Variants in RPL7A observed in about 807,000 individuals in gnomAD.
RPL7A encodes the protein ribosomal protein L7a, also known as large ribosomal subunit protein eL8.
For missense variants in RPL7A, 291 were observed against 338.2 expected, an observed-to-expected ratio of 0.86 and a Z score of 1.09; for synonymous variants, 158 against 128.2, an observed-to-expected ratio of 1.23 and a Z score of -1.57.
chr9:133,348,426 T>G, intron 1 of RPL7A, 180 bp downstream of exon 1: 3 of 855,322 alleles, frequency 3.5e-6, no homozygotes, highest in Non-Finnish European at 5.5e-6. Flanking sequence ...ACGGAGACAT[T>G]GAGATGGACT....
At chr9:133,351,194 G>C in intron 7 of RPL7A, 68 bp from the exon 8 acceptor site, 1 of 1,553,906 alleles carries the variant, frequency 6.4e-7, no homozygotes, top group Non-Finnish European at 8.9e-7. Flanking sequence ...CAGAATTAAC[G>C]CAACTAATAA....
In RPL7A at chr9:133,351,362, G is replaced by A; in HGVS notation, c.797G>A (p.Gly266Asp). Residue 266 changes from glycine to aspartate, a missense_variant, in exon 8 of 8, where the codon GGT becomes GAT. Gly to Asp is a moderately conservative substitution (Grantham distance 94). Coordinates refer to ENST00000323345, the MANE Select transcript of RPL7A (RefSeq NM_000972.3). ...GCTAAAGAACTTGCCACTAAACTGG[G>A]TTAAATGTACACTGTTGAGTTTTCT... ...AKAKELATKL[G>D] 1 of 1,596,864 alleles carries A rather than the reference G, an allele frequency of 6.3e-7. No individual in the cohort carries two copies. Among genetic ancestry groups the A allele is most frequent in the Non-Finnish European group, 8.6e-7 (1 of 1,166,422 alleles).
chr9:133,348,590 G>A, intron 1 of RPL7A: 1 of 599,802 alleles, frequency 1.7e-6, no homozygotes, highest in Non-Finnish European at 3.0e-6. Context: ...GACGAGTTCT[G>A]AGCCCGCCCC....
chr9:133,350,104 T>A, intron 4 of RPL7A, 52 bp downstream of exon 4: 1 of 1,613,916 alleles, frequency 6.2e-7, no homozygotes. Flanking sequence ...GTTGCAGTGA[T>A]GTAAAATTTC....
chr9:133,348,465 C>A (rs1836276762), intron 1 of RPL7A: 1 of 647,750 alleles, frequency 1.5e-6, no homozygotes, highest in Non-Finnish European at 2.6e-6. Context: ...GAGCGGAATG[C>A]GTTGTTCCCG....
rs2129976896 is a variant in RPL7A, at chr9:133,348,226, C to G, written c.-18C>G. 3.1e-6 allele frequency: 5 copies of G among 1,614,060 alleles called. No individual in the cohort carries two copies. Among genetic ancestry groups the G allele is most frequent in the East Asian group, 4.5e-5 (2 of 44,842 alleles). ...ACCCACAATTCCCTTTCCTTTCTCT[C>G]TCCTCCCGCCGCCCAAGATGGTGAG... is the stretch of plus-strand genomic sequence containing the variant. On this transcript the variant is annotated 5_prime_UTR_variant, in exon 1 of 8. Transcript: ENST00000323345.
intron 2 of RPL7A, 127 bp downstream of exon 2, chr9:133,349,169 T>A: frequency 2.7e-6 from 3 of 1,130,858 alleles, no homozygotes; most frequent in Non-Finnish European, 2.6e-6. Flanking sequence ...TTGTGTCTCT[T>A]AGAGACGGGG....
chr9:133,348,855 G>A, intron 1 of RPL7A, 67 bp from the exon 2 acceptor site: 6 of 1,612,572 alleles, frequency 3.7e-6, no homozygotes, highest in Non-Finnish European at 5.1e-6. Flanking sequence ...GGAGGAGCCA[G>A]CCTGAGCCCT....
At position 133,350,066 on chromosome 9, in the gene RPL7A, A is replaced by T; in HGVS notation, c.415+14A>T. ...TCCTTCGAGCAGGTGAGTAGGCCCC[A>T]CCTTAGGGTGAACACTGGGGGCGGG... On this transcript the variant is annotated intron_variant, in intron 4 of 7. Coordinates refer to ENST00000323345, the MANE Select transcript of RPL7A (RefSeq NM_000972.3). The T allele has an allele frequency of 1.2e-6, 2 of 1,613,970 alleles. No homozygotes were observed. The highest frequency in any genetic ancestry group is 1.7e-6 in the Non-Finnish European group (2 of 1,180,042).
intron 6 of RPL7A, 23 bp downstream of exon 6, chr9:133,350,750 A>C (rs2129995835): frequency 6.2e-7 from 1 of 1,609,494 alleles, no homozygotes; most frequent in African/African-American, 1.3e-5. Context: ...CCTGGCCCCA[A>C]ACTTCCCCCC....
At chr9:133,350,091 G>A in intron 4 of RPL7A, 39 bp downstream of exon 4, 1 of 1,613,974 alleles carries the variant, frequency 6.2e-7, no homozygotes, top group Non-Finnish European at 8.5e-7. Flanking sequence ...CTGGGGGCGG[G>A]CTGTTGCAGT....
In RPL7A at chr9:133,348,262, T is replaced by G; in HGVS notation, c.3+16T>G. 6.2e-7 allele frequency: 1 copy of G among 1,614,084 alleles called. No individual in the cohort carries two copies. The highest frequency in any genetic ancestry group is 8.5e-7 in the Non-Finnish European group (1 of 1,179,970). ...GCCCAAGATGGTGAGTGAGCTGTAG[T>G]TCCGTGGCACTATAGCCAGGTTCCG... On this transcript the variant is annotated intron_variant, in intron 1 of 7. Coordinates refer to ENST00000323345, the MANE Select transcript of RPL7A (RefSeq NM_000972.3).
intron 5 of RPL7A, 36 bp from the exon 6 acceptor site, chr9:133,350,561 G>A: frequency 6.2e-7 from 1 of 1,614,178 alleles, no homozygotes; most frequent in Non-Finnish European, 8.5e-7. Context: ...GCTGCTTTTG[G>A]TCAAAATACA....
rs2129993541 is a variant in RPL7A at position 133,350,440 on chromosome 9, A to G, written c.495+121A>G. ...GTGAGGGCAGTACTGACACAGATCC[A>G]ACACATGCGTGGCTCTTGCAATGAT... is the stretch of plus-strand genomic sequence containing the variant. On this transcript the variant is annotated intron_variant, in intron 5 of 7. Coordinates refer to ENST00000323345, the MANE Select transcript of RPL7A (RefSeq NM_000972.3). 3 of 1,495,538 alleles carry G rather than the reference A, an allele frequency of 2.0e-6. 1 individual carries two copies. In the South Asian group the frequency reaches 3.4e-5, roughly 17 times the overall value. The allele number at this position is 1,495,538 out of a possible 1,614,324, so 92.6% of individuals were successfully genotyped here. A position where few individuals can be genotyped will look rare whatever the true frequency, so the allele number is the denominator to read the frequency against.
intron 2 of RPL7A, 91 bp downstream of exon 2, chr9:133,349,133 G>A: frequency 6.9e-7 from 1 of 1,453,424 alleles, no homozygotes; most frequent in South Asian, 1.3e-5. Flanking sequence ...GGTTTTAGTG[G>A]GTGTAAAGTG....
At position 133,350,738 on chromosome 9, in the gene RPL7A, A is replaced by G. The variant is rs2129995736; in HGVS notation, c.626+11A>G. 80 of 1,611,164 alleles carry G rather than the reference A, an allele frequency of 5.0e-5. 1 individual carries two copies. The Admixed American group carries it at 1.3e-3, about 26-fold the overall frequency. On this transcript the variant is annotated intron_variant, in intron 6 of 7. Transcript: ENST00000323345. ...CACACAGGTGAACTCGTAAGTACACAGCCTGGCCCCAAACTTCCCCCCAGT... is the reference window on the plus strand; with the variant it reads ...CACACAGGTGAACTCGTAAGTACACGGCCTGGCCCCAAACTTCCCCCCAGT...
chr9:133,351,375 T>C lies in RPL7A; in HGVS notation c.*9T>C. 6.4e-7 allele frequency: 1 copy of C among 1,558,018 alleles called. No homozygotes were observed. The highest frequency in any genetic ancestry group is 8.8e-7 in the Non-Finnish European group (1 of 1,133,014). ...CCACTAAACTGGGTTAAATGTACACTGTTGAGTTTTCTGTACATAAAAATA... is the reference window on the plus strand; with the variant it reads ...CCACTAAACTGGGTTAAATGTACACCGTTGAGTTTTCTGTACATAAAAATA... On this transcript the variant is annotated 3_prime_UTR_variant, in exon 8 of 8. Coordinates refer to ENST00000323345, the MANE Select transcript of RPL7A (RefSeq NM_000972.3).
At chr9:133,348,871 C>T (rs200867852) in intron 1 of RPL7A, 51 bp from the exon 2 acceptor site, 24 of 1,612,770 alleles carry the variant, frequency 1.5e-5, no homozygotes, top group Non-Finnish European at 2.0e-5. Context: ...GCCCTACCCC[C>T]GACGAAGCGA....
At chr9:133,349,244 G>A (rs2129984407) in intron 2 of RPL7A, 1 of 751,064 alleles carries the variant, frequency 1.3e-6, no homozygotes, top group South Asian at 1.6e-5. Flanking sequence ...CAATATGGTA[G>A]TGGCCTTGAA....
Sources: gnomAD v4.1 joint callset for allele counts on GRCh38, gnomAD v4.1.1 for gene constraint, MANE v1.5 for transcripts, NCBI Gene and HGNC (gene_info 2026-07-23, HGNC 2026-07-21) for gene names.